CPLX2: variants seen among roughly 807,000 people sequenced by gnomAD.
CPLX2 encodes the protein complexin-2.
CPLX2 carries 5 observed loss-of-function variants against 16.3 expected under a neutral mutation model. That is an observed-to-expected ratio of 0.31 (90% CI 0.16 to 0.64). The LOEUF (loss-of-function observed/expected upper bound fraction) is 0.64. CPLX2 is among the 30% of genes least tolerant of loss of function. CPLX2 has a pLI of 0.79. For missense variants in CPLX2, 144 were observed against 181.4 expected, an observed-to-expected ratio of 0.79 and a Z score of 1.18; for synonymous variants, 89 against 73.2, an observed-to-expected ratio of 1.22 and a Z score of -1.10.
upstream of CPLX2, among the ~76,000 whole-genome samples, chr5:175,869,616 G>A (rs1039789780): frequency 1.3e-5 from 2 of 152,160 alleles, 1 homozygote; most frequent in South Asian, 4.1e-4. Flanking sequence ...ACTAAGCGGG[G>A]GAATTATAAA....
rs887773877 is a variant in CPLX2 at position 175,856,494 on chromosome 5, C to T, written c.-88-22158C>T. ...CAACATCTGAGCTCCCGCCACGCTC[C>T]GCGCAGAGCCAAGCCGAGGAATCTG... On this transcript the variant is annotated intron_variant, in intron 2 of 4. Transcript: ENST00000359546. Among the ~76,000 whole-genome samples, 4 of 152,278 alleles carry T rather than the reference C, an allele frequency of 2.6e-5. No homozygotes were observed. In the South Asian group the frequency reaches 8.3e-4, roughly 32 times the overall value.
In CPLX2 at chr5:175,839,973, G is replaced by A. The variant is rs117693740; in HGVS notation, c.-89+30905G>A. On this transcript the variant is annotated intron_variant, in intron 2 of 4. Transcript: ENST00000359546. The stretch of plus-strand genomic sequence containing the variant: ...GCAATCACTGTTGTTTGGGGGGAAG[G>A]TTATCACCCTGTACATAAGAGATTA... Among the ~76,000 whole-genome samples the A allele has an allele frequency of 7.2e-4, 110 of 152,292 alleles. No individual in the cohort carries two copies. The East Asian group carries it at 0.017, about 23-fold the overall frequency.
rs1002359005 is a variant in CPLX2 at position 175,849,549 on chromosome 5, C to T, written c.-88-29103C>T. Reference sequence around the variant, plus strand: ...GAGATAGCACATAAGCAGAGACTCTCCCTGCACAAGGGGGTGCTACCACGC... The same window carrying T: ...GAGATAGCACATAAGCAGAGACTCTTCCTGCACAAGGGGGTGCTACCACGC... On this transcript the variant is annotated intron_variant, in intron 2 of 4. Coordinates refer to the CPLX2 transcript ENST00000359546. The surrounding 1 kb of genome is among the most constrained non-coding windows in gnomAD (Gnocchi z 4.4). Among the ~76,000 whole-genome samples the T allele has an allele frequency of 6.6e-6, 1 of 152,196 alleles. No individual in the cohort carries two copies. Among genetic ancestry groups the T allele is most frequent in the Non-Finnish European group, 1.5e-5 (1 of 68,040 alleles).
At chr5:175,855,384 C>T (rs1193809061) in intron 2 of CPLX2, among the ~76,000 whole-genome samples, 1 of 152,222 alleles carries the variant, frequency 6.6e-6, no homozygotes, top group East Asian at 1.9e-4. Context: ...AGTGAAATAA[C>T]ACATGTGAAC....
intron 2 of CPLX2, among the ~76,000 whole-genome samples, chr5:175,823,179 G>A (rs774362329): frequency 6.6e-6 from 1 of 152,224 alleles, no homozygotes; most frequent in Non-Finnish European, 1.5e-5. Flanking sequence ...CTCCTTCACA[G>A]GACTTTAAGT....
chr5:175,809,477 GATGAATGA>G lies in CPLX2; in HGVS notation c.-89+419_-89+426del, dbSNP rs1305033640. The G allele has an allele frequency of 6.6e-6, 1 of 152,208 alleles. No individual in the cohort carries two copies. Among genetic ancestry groups the G allele is most frequent in the Non-Finnish European group, 1.5e-5 (1 of 68,052 alleles). 9.4% of individuals were successfully genotyped at this position (152,208 alleles called of 1,614,324 possible). ...CATTGTAGGTGCTTGGTACATGTTT[GATGAATGA>G]ATGAATGAACTGATGAACTGCCCAA... On this transcript the variant is annotated intron_variant, in intron 2 of 4. Transcript: ENST00000359546. This position sits in a 1 kb window ranked among gnomAD's most constrained non-coding sequence, Gnocchi z 4.4.
At chr5:175,876,235 CATTG>C (rs1214167880) in intron 1 of CPLX2, among the ~76,000 whole-genome samples, 1 of 152,156 alleles carries the variant, frequency 6.6e-6, no homozygotes, top group East Asian at 1.9e-4. Context: ...GTGCCTAACA[CATTG>C]ACTGGCATAT....
intron 2 of CPLX2, among the ~76,000 whole-genome samples, chr5:175,810,976 C>A (rs764096585): frequency 2.6e-4 from 39 of 152,188 alleles, no homozygotes; most frequent in Admixed American, 6.5e-4. Flanking sequence ...TTCTAAGAGG[C>A]AGTGGGATGA....
chr5:175,819,847 C>T (rs984679752), intron 2 of CPLX2, among the ~76,000 whole-genome samples: 2 of 152,194 alleles, frequency 1.3e-5, no homozygotes, highest in African/African-American at 4.8e-5. Context: ...GAGAGGACAG[C>T]TGGGATGTTC....
chr5:175,823,470 G>T (rs1309748240), intron 2 of CPLX2, among the ~76,000 whole-genome samples: 1 of 152,202 alleles, frequency 6.6e-6, no homozygotes, highest in Admixed American at 6.5e-5. Flanking sequence ...ATGGATGGAT[G>T]AATGGTTCAG....
At chr5:175,800,276 G>C (rs543077130) in intron 1 of CPLX2, among the ~76,000 whole-genome samples, 1 of 152,178 alleles carries the variant, frequency 6.6e-6, no homozygotes, top group Non-Finnish European at 1.5e-5. Flanking sequence ...CAAATGGGGA[G>C]GGCAGTGTCT....
In CPLX2 at chr5:175,861,443, T is replaced by C. The variant is rs184615760; in HGVS notation, c.-88-17209T>C. On this transcript the variant is annotated intron_variant, in intron 2 of 4. Transcript: ENST00000359546. ...GAAGTCAGATCAAGAGGGGCCCTAG[T>C]AGGTTTGGACCCGATGCTGCAGGTA... Among the ~76,000 whole-genome samples, 62 of 152,182 alleles carry C rather than the reference T, an allele frequency of 4.1e-4. 1 individual carries two copies. The Middle Eastern group carries it at 0.01, about 25-fold the overall frequency.
chr5:175,860,538 AAGATAGATAG>A (rs1225816784), intron 2 of CPLX2, among the ~76,000 whole-genome samples: 11 of 29,726 alleles, frequency 3.7e-4, no homozygotes, highest in African/African-American at 1.4e-3. Flanking sequence ...GAAAGAAAGA[AAGATAGATAG>A]AAAGAAAGAA....
In CPLX2 at chr5:175,849,094, C is replaced by T. The variant is rs1202187789; in HGVS notation, c.-88-29558C>T. Among the ~76,000 whole-genome samples, 1 of 152,200 alleles carries T rather than the reference C, an allele frequency of 6.6e-6. No homozygotes were observed. Among genetic ancestry groups the T allele is most frequent in the Non-Finnish European group, 1.5e-5 (1 of 68,032 alleles). ...TGATCTAACTTACACTTCTCAGGAT[C>T]CCTCCTCTGCTGTGGGAGGCTGTGC... On this transcript the variant is annotated intron_variant, in intron 2 of 4. Transcript: ENST00000359546. The surrounding 1 kb of genome is among the most constrained non-coding windows in gnomAD (Gnocchi z 4.4).
At chr5:175,800,852 G>C (rs1397583975) in intron 1 of CPLX2, among the ~76,000 whole-genome samples, 5 of 151,188 alleles carry the variant, frequency 3.3e-5, no homozygotes, top group Non-Finnish European at 5.9e-5. Context: ...TGTGAAAATA[G>C]ACAGACAGAG....
chr5:175,843,435 GCA>G (rs1366782755), intron 2 of CPLX2, among the ~76,000 whole-genome samples: 6 of 151,944 alleles, frequency 3.9e-5, no homozygotes, highest in African/African-American at 1.5e-4. Context: ...CATACACCAG[GCA>G]CACATGTGTG....
At chr5:175,839,261 A>AT (rs572745421) in intron 2 of CPLX2, among the ~76,000 whole-genome samples, 7 of 151,708 alleles carry the variant, frequency 4.6e-5, no homozygotes, top group Non-Finnish European at 8.8e-5. Context: ...TTTTCCATGA[A>AT]TTTTTGTTTT....
rs1759657022 is a variant in CPLX2, at chr5:175,872,612, A to T, written c.-89+907A>T. ...GAACCCCCGGCCACTTCCGCTTTTC[A>T]GCCGGAGTCGGCTCCCTACCTCCTC... On this transcript the variant is annotated intron_variant, in intron 1 of 3. Coordinates refer to ENST00000393745, the MANE Select transcript of CPLX2 (RefSeq NM_001008220.2). The surrounding 1 kb of genome is among the most constrained non-coding windows in gnomAD (Gnocchi z 5.0). Among the ~76,000 whole-genome samples the T allele has an allele frequency of 6.6e-6, 1 of 151,936 alleles. No individual in the cohort carries two copies. The highest frequency in any genetic ancestry group is 1.5e-5 in the Non-Finnish European group (1 of 67,964).
chr5:175,827,786 G>A (rs1758647139), intron 2 of CPLX2, among the ~76,000 whole-genome samples: 1 of 152,074 alleles, frequency 6.6e-6, no homozygotes, highest in African/African-American at 2.4e-5. Context: ...TAAAGTCCAA[G>A]AGATGAACCA....
Sources: allele counts gnomAD v4.1 joint callset (sites outside exome capture counted in the v4.1 genomes callset), GRCh38; gene constraint gnomAD v4.1.1; non-coding constraint Gnocchi (gnomAD v3.1); transcripts MANE v1.5; gene names NCBI Gene and HGNC (gene_info 2026-07-23, HGNC 2026-07-21).